Variants in ATG2B observed in about 807,000 individuals in gnomAD.
The protein encoded by ATG2B is autophagy-related protein 2 homolog B.
Under a neutral mutation model 241.3 loss-of-function variants are expected in ATG2B, and 121 were observed. The ratio of observed to expected loss-of-function variants is 0.50; its 90% CI spans 0.43 to 0.58. The LOEUF (loss-of-function observed/expected upper bound fraction) is 0.58, where lower values mean the gene tolerates loss of function less well. Among genes scored for constraint, ATG2B ranks in the 20% least tolerant of loss-of-function variants. The pLI is 0.00. For synonymous variants in ATG2B, 858 were observed against 876.6 expected, an observed-to-expected ratio of 0.98 and a Z score of 0.37; for missense variants, 2,306 against 2,491.6, an observed-to-expected ratio of 0.93 and a Z score of 1.59.
At position 96,329,716 on chromosome 14, in the gene ATG2B, C is replaced by G. The variant is rs1413537038; in HGVS notation, c.1731-82G>C. ...ACCTAGTCTGACAAGTTCAAGTTAT[C>G]AATAATTAATACTCCTAAGGAAATT... is the stretch of plus-strand genomic sequence containing the variant. On this transcript the variant is annotated intron_variant, in intron 11 of 41. Transcript: ENST00000359933. The G allele has an allele frequency of 3.5e-6, 3 of 859,998 alleles. No individual in the cohort carries two copies. The South Asian group carries it at 6.0e-5, about 17-fold the overall frequency. 53.3% of individuals were successfully genotyped at this position (859,998 alleles called of 1,614,324 possible). A position where few individuals can be genotyped will look rare whatever the true frequency, so the allele number is the denominator to read the frequency against.
chr14:96,308,272 A>G (rs1178871457), intron 29 of ATG2B, among the ~76,000 whole-genome samples: 5 of 25,874 alleles, frequency 1.9e-4, no homozygotes, highest in Non-Finnish European at 2.6e-4. Flanking sequence ...ATATATATAT[A>G]TATATATATA....
intron 1 of ATG2B, among the ~76,000 whole-genome samples, chr14:96,351,639 G>A (rs924224567): frequency 2.6e-5 from 4 of 151,988 alleles, no homozygotes; most frequent in African/African-American, 9.7e-5. Flanking sequence ...GGGAGGCTGA[G>A]GTAGGAGAAT....
chr14:96,332,174 G>T (rs1887753192), intron 10 of ATG2B, 131 bp downstream of exon 10: 1 of 659,914 alleles, frequency 1.5e-6, no homozygotes, highest in Non-Finnish European at 2.6e-6. Context: ...TTTAACAATG[G>T]TTCATTTTGC....
chr14:96,328,303 C>G, intron 14 of ATG2B, 44 bp downstream of exon 14: 2 of 1,401,224 alleles, frequency 1.4e-6, no homozygotes, highest in Non-Finnish European at 2.0e-6. Flanking sequence ...ACCCTATTAG[C>G]TAACCATAAT....
intron 34 of ATG2B, among the ~76,000 whole-genome samples, chr14:96,301,441 C>A (rs1295714840): frequency 6.6e-6 from 1 of 152,198 alleles, no homozygotes; most frequent in East Asian, 1.9e-4. Flanking sequence ...GGAAGAGGCA[C>A]CAGCTATGTT....
chr14:96,290,335 CA>C lies in ATG2B; in HGVS notation c.5856+100del. ...TCACTACGAATAAAGTATCTACTCA[CA>C]ACATTTTGTATATCTTCACAGTATC... On this transcript the variant is annotated intron_variant, in intron 40 of 41. Transcript: ENST00000359933. The surrounding 1 kb of genome is among the most constrained non-coding windows in gnomAD (Gnocchi z 4.4). 7.0e-7 allele frequency: 1 copy of C among 1,438,178 alleles called. No individual in the cohort carries two copies. The highest frequency in any genetic ancestry group is 9.4e-7 in the Non-Finnish European group (1 of 1,067,074). The allele number at this position is 1,438,178 out of a possible 1,614,324, so 89.1% of individuals were successfully genotyped here. A position where few individuals can be genotyped will look rare whatever the true frequency, so the allele number is the denominator to read the frequency against.
intron 6 of ATG2B, among the ~76,000 whole-genome samples, chr14:96,340,061 A>G (rs138270895): frequency 1.1e-3 from 91 of 84,892 alleles, no homozygotes; most frequent in African/African-American, 3.3e-3. Flanking sequence ...ATATGAATAT[A>G]TGCTATATGT....
intron 26 of ATG2B, among the ~76,000 whole-genome samples, 193 bp from the exon 27 acceptor site, chr14:96,311,811 T>C (rs958635448): frequency 6.6e-6 from 1 of 152,140 alleles, no homozygotes; most frequent in Non-Finnish European, 1.5e-5. Context: ...AAACAAAAAT[T>C]ATCTTAAATA....
intron 4 of ATG2B, among the ~76,000 whole-genome samples, chr14:96,344,203 A>G (rs998477020): frequency 1.3e-5 from 2 of 152,252 alleles, no homozygotes; most frequent in African/African-American, 4.8e-5. Flanking sequence ...ACCTTAAAAT[A>G]ATCCGTAGAG....
At chr14:96,302,794 T>C (rs766994872) in intron 33 of ATG2B, among the ~76,000 whole-genome samples, 2 of 152,176 alleles carry the variant, frequency 1.3e-5, no homozygotes, top group Non-Finnish European at 2.9e-5. Context: ...CCTTCAGCAA[T>C]ACTACCTATT....
rs919062241 is a variant in ATG2B at position 96,334,413 on chromosome 14, G to T, written c.1013C>A (p.Ala338Asp). Residue 338 changes from alanine (A) to aspartate (D), a missense_variant, in exon 7 of 42, where the codon GCT becomes GAT. Physicochemically the swap from Ala to Asp is moderately radical, Grantham distance 126. This residue lies in a region of ATG2B where 1,927 missense variants were observed against 2,011.2 expected (regional missense o/e 0.96). Transcript: ENST00000359933. ...AACAGAATTATACTTGCCTGGTCCA[G>T]CAATAGCTGCCAACATATCCAAAAG... is the stretch of plus-strand genomic sequence containing the variant. ...HLLLDMLAAIAGPENSSKIGL... is the reference protein window; with the variant it reads ...HLLLDMLAAIDGPENSSKIGL... The T allele has an allele frequency of 9.4e-6, 15 of 1,603,900 alleles. No homozygotes were observed. In the Admixed American group the frequency reaches 1.4e-4, roughly 15 times the overall value.
chr14:96,313,884 T>A (rs918651927), intron 23 of ATG2B, among the ~76,000 whole-genome samples: 5 of 151,998 alleles, frequency 3.3e-5, no homozygotes, highest in Non-Finnish European at 4.4e-5. Flanking sequence ...TCAGAAAAAA[T>A]AAATTTTGCT....
At chr14:96,298,516 C>T (rs573439360) in intron 34 of ATG2B, among the ~76,000 whole-genome samples, 1 of 152,314 alleles carries the variant, frequency 6.6e-6, no homozygotes, top group South Asian at 2.1e-4. Flanking sequence ...AGAGCCAAAA[C>T]CATGGAACAA....
At chr14:96,353,249 A>T (rs1028612202) in intron 1 of ATG2B, among the ~76,000 whole-genome samples, 1 of 152,214 alleles carries the variant, frequency 6.6e-6, no homozygotes, top group Non-Finnish European at 1.5e-5. Flanking sequence ...CTCAGAACAT[A>T]TCCCTGTCGT....
intron 2 of ATG2B, among the ~76,000 whole-genome samples, chr14:96,345,700 T>C (rs1888153152): frequency 6.6e-6 from 1 of 152,174 alleles, no homozygotes; most frequent in Non-Finnish European, 1.5e-5. Flanking sequence ...TGCATGGAAC[T>C]GTTCTAAATA....
At chr14:96,302,966 C>A in intron 33 of ATG2B, 95 bp downstream of exon 33, 1 of 874,246 alleles carries the variant, frequency 1.1e-6, no homozygotes, top group Non-Finnish European at 1.6e-6. Flanking sequence ...GAAAAGATAT[C>A]TAGTAATTTT....
chr14:96,320,509 T>A (rs2139868712), intron 18 of ATG2B, among the ~76,000 whole-genome samples: 1 of 151,794 alleles, frequency 6.6e-6, no homozygotes, highest in African/African-American at 2.4e-5. Flanking sequence ...AATAGTCAGA[T>A]GCCACATGCA....
chr14:96,323,920 G>A lies in ATG2B; in HGVS notation c.2516C>T (p.Ser839Leu), dbSNP rs1290466158. The A allele has an allele frequency of 3.7e-6, 6 of 1,610,848 alleles. No individual in the cohort carries two copies. Among genetic ancestry groups the A allele is most frequent in the African/African-American group, 1.3e-5 (1 of 74,720 alleles). ...CCGTGGCCAGTCAAAGTCATCTGAC[G>A]ATGTTGTATCTCCATCTACTCCACT... Reference protein sequence around the residue: ...VSSGVDGDTTSSDDFDWPRIV... With the variant: ...VSSGVDGDTTLSDDFDWPRIV... The change falls in exon 16 of 42, where the codon TCG (serine) becomes TTG (leucine). Residue 839 changes from serine (S) to leucine (L), a missense_variant. By Grantham distance (145) the Ser-to-Leu change is moderately radical. This residue lies in a region of ATG2B where 1,927 missense variants were observed against 2,011.2 expected (regional missense o/e 0.96). Coordinates refer to ENST00000359933, the MANE Select transcript of ATG2B (RefSeq NM_018036.7).
At position 96,282,851 on chromosome 14, in the gene ATG2B, A is replaced by G. The variant is rs1204588229; in HGVS notation, c.*2904T>C. The stretch of plus-strand genomic sequence containing the variant: ...AAAAGTGACACACAACAGGAGCAGG[A>G]AACACCAGTTTTTAGTATTTTGCCA... On this transcript the variant is annotated 3_prime_UTR_variant, in exon 42 of 42. Transcript: ENST00000359933. The G allele has an allele frequency of 6.6e-6, 1 of 152,248 alleles. No homozygotes were observed. Among genetic ancestry groups the G allele is most frequent in the African/African-American group, 2.4e-5 (1 of 41,460 alleles). The allele number at this position is 152,248 out of a possible 1,614,324, so 9.4% of individuals were successfully genotyped here.
Sources: allele counts gnomAD v4.1 joint callset (sites outside exome capture counted in the v4.1 genomes callset), GRCh38; gene constraint gnomAD v4.1.1; regional missense constraint gnomAD v4.1.1; non-coding constraint Gnocchi (gnomAD v3.1); transcripts MANE v1.5; gene names NCBI Gene and HGNC (gene_info 2026-07-23, HGNC 2026-07-21).